CRISPLD2: variants seen among roughly 807,000 people sequenced by gnomAD.
CRISPLD2 encodes the protein cysteine rich secretory protein LCCL domain containing 2, also known as cysteine-rich secretory protein LCCL domain-containing 2.
In CRISPLD2, 47 loss-of-function variants were observed where a neutral mutation model predicts 71.1. The ratio of observed to expected loss-of-function variants is 0.66; its 90% CI spans 0.52 to 0.84. The LOEUF (loss-of-function observed/expected upper bound fraction) is 0.84. Ranked by LOEUF, CRISPLD2 falls within the 40% of genes least tolerant of loss-of-function variation. CRISPLD2 has a pLI of 0.00. For synonymous variants in CRISPLD2, 317 were observed against 250.1 expected (o/e 1.27, Z -2.52); for missense variants, 830 against 651.1 (o/e 1.27, Z -2.99).
intron 8 of CRISPLD2, among the ~76,000 whole-genome samples, chr16:84,869,457 AG>A (rs1443824817): frequency 1.3e-5 from 2 of 152,352 alleles, no homozygotes; most frequent in East Asian, 3.9e-4. Flanking sequence ...TAAAAAGGGA[AG>A]GTTGAATCTT....
chr16:84,898,706 G>C (rs1377710375), intron 14 of CRISPLD2, among the ~76,000 whole-genome samples: 2 of 152,232 alleles, frequency 1.3e-5, no homozygotes, highest in Non-Finnish European at 2.9e-5. Flanking sequence ...CACTGGTCTT[G>C]TTAACCCCAC....
chr16:84,894,495 G>C (rs542578713), intron 14 of CRISPLD2, among the ~76,000 whole-genome samples: 9 of 152,256 alleles, frequency 5.9e-5, no homozygotes, highest in African/African-American at 1.7e-4. Context: ...CAGCCCCTGC[G>C]CTAGGGACTG....
chr16:84,880,894 AGG>A (rs2071562826), intron 13 of CRISPLD2, among the ~76,000 whole-genome samples: 2 of 151,936 alleles, frequency 1.3e-5, no homozygotes, highest in African/African-American at 4.8e-5. Context: ...CAGTAGAGAC[AGG>A]GTTTCACCAT....
At chr16:84,885,641 C>T (rs930538018) in intron 13 of CRISPLD2, among the ~76,000 whole-genome samples, 7 of 152,180 alleles carry the variant, frequency 4.6e-5, no homozygotes, top group Non-Finnish European at 1.0e-4. Flanking sequence ...CATGTTAGCA[C>T]AGAGTTTTTA....
intron 2 of CRISPLD2, among the ~76,000 whole-genome samples, chr16:84,843,224 G>A (rs1174802684): frequency 6.6e-6 from 1 of 152,194 alleles, no homozygotes; most frequent in Non-Finnish European, 1.5e-5. Flanking sequence ...AGGCTGAAAG[G>A]ATGGGGTGGC....
chr16:84,890,732 C>A (rs544255025), intron 14 of CRISPLD2, among the ~76,000 whole-genome samples: 3 of 151,704 alleles, frequency 2.0e-5, no homozygotes, highest in Admixed American at 2.0e-4. Context: ...GAGGTAGAGG[C>A]TGTAGTGAGC....
rs1277063442 is a variant in CRISPLD2, at chr16:84,854,940, C to A, written c.709+111C>A. 94 of 798,272 alleles carry A rather than the reference C, an allele frequency of 1.2e-4. 1 individual carries two copies. The East Asian group carries it at 1.8e-3, about 15-fold the overall frequency. 49.4% of individuals were successfully genotyped at this position (798,272 alleles called of 1,614,324 possible). A position where few individuals can be genotyped will look rare whatever the true frequency, so the allele number is the denominator to read the frequency against. On this transcript the variant is annotated intron_variant, in intron 6 of 14. Transcript: ENST00000262424. The stretch of plus-strand genomic sequence containing the variant: ...AAGAAGTCAGTCACCCCTCCTGGCC[C>A]TATTTAAGACGCTCTCAGCACATTC...
At chr16:84,889,471 T>G (rs959487623) in intron 14 of CRISPLD2, 108 bp downstream of exon 14, 1 of 1,221,484 alleles carries the variant, frequency 8.2e-7, no homozygotes, top group Admixed American at 2.9e-5. Flanking sequence ...AAAACTCGGG[T>G]AGACTTGCAC....
intron 14 of CRISPLD2, among the ~76,000 whole-genome samples, chr16:84,893,039 G>T (rs1219061566): frequency 1.3e-5 from 2 of 151,080 alleles, no homozygotes; most frequent in Non-Finnish European, 2.9e-5. Context: ...CCTGTGCTGG[G>T]ACCCAGGGCA....
intron 8 of CRISPLD2, among the ~76,000 whole-genome samples, chr16:84,869,818 TGAATGCTAAGCACATTGC>T (rs1444217883): frequency 6.6e-6 from 1 of 152,272 alleles, no homozygotes; most frequent in East Asian, 1.9e-4. Context: ...CGCATCTTTC[TGAATGCTAAGCACATTGC>T]GATAGCATCA....
intron 8 of CRISPLD2, among the ~76,000 whole-genome samples, chr16:84,870,793 T>C (rs1451719111): frequency 1.3e-5 from 2 of 151,856 alleles, no homozygotes; most frequent in Admixed American, 6.6e-5. Flanking sequence ...GTACGGTGGC[T>C]CAAGCCTGTA....
intron 6 of CRISPLD2, among the ~76,000 whole-genome samples, chr16:84,861,782 C>T (rs1250718079): frequency 1.3e-5 from 2 of 152,064 alleles, no homozygotes; most frequent in Non-Finnish European, 2.9e-5. Context: ...AGAAAATTAA[C>T]CAGGTGTGGT....
chr16:84,865,156 A>ATT lies in CRISPLD2; in HGVS notation c.710-1725_710-1724dup, dbSNP rs576554191. ...TTGAGGAACACCTGATGAAACTTGG[A>ATT]TTTTTTTTTTTTTTTTTGAGACAGA... is the stretch of plus-strand genomic sequence containing the variant. On this transcript the variant is annotated intron_variant, in intron 6 of 14. Transcript: ENST00000262424. Among the ~76,000 whole-genome samples, 30 of 140,252 alleles carry ATT rather than the reference A, an allele frequency of 2.1e-4. 1 individual carries two copies. Among genetic ancestry groups the ATT allele is most frequent in the South Asian group, 4.6e-4 (2 of 4,376 alleles). The allele number at this position is 140,252 out of a possible 152,430, so 92.0% of individuals were successfully genotyped here.
At chr16:84,889,458 A>G (rs1424409184) in intron 14 of CRISPLD2, 95 bp downstream of exon 14, 3 of 1,335,834 alleles carry the variant, frequency 2.2e-6, no homozygotes, top group Non-Finnish European at 2.0e-6. Context: ...TACCCTTTAA[A>G]ATAAAACTCG....
intron 1 of CRISPLD2, chr16:84,828,394 G>C (rs901327403): frequency 6.6e-6 from 1 of 152,214 alleles, no homozygotes; most frequent in Non-Finnish European, 1.5e-5. Flanking sequence ...TCATGCATGA[G>C]TGAGGAATTA....
chr16:84,852,440 C>T (rs747671173), intron 5 of CRISPLD2, among the ~76,000 whole-genome samples: 1 of 152,236 alleles, frequency 6.6e-6, no homozygotes, highest in Non-Finnish European at 1.5e-5. Flanking sequence ...GGGGGCCACA[C>T]AGCACACTCC....
intron 13 of CRISPLD2, 66 bp from the exon 14 acceptor site, chr16:84,889,164 C>G (rs1392503222): frequency 1.9e-6 from 3 of 1,607,356 alleles, no homozygotes; most frequent in Non-Finnish European, 1.7e-6. Flanking sequence ...AATGATGGAG[C>G]CCCAGCTGGC....
intron 6 of CRISPLD2, among the ~76,000 whole-genome samples, chr16:84,859,423 G>A (rs192900801): frequency 6.6e-6 from 1 of 152,146 alleles, no homozygotes; most frequent in Non-Finnish European, 1.5e-5. Flanking sequence ...CCTTTCCCCA[G>A]TGCACGGTTT....
chr16:84,866,161 G>T (rs576511772), intron 6 of CRISPLD2, among the ~76,000 whole-genome samples: 1 of 152,126 alleles, frequency 6.6e-6, no homozygotes, highest in Non-Finnish European at 1.5e-5. Flanking sequence ...CCCTTCCCCA[G>T]TGAAAACCCA....
Sources: gnomAD v4.1 joint callset for allele counts (sites outside exome capture counted in the v4.1 genomes callset) on GRCh38, gnomAD v4.1.1 for gene constraint, MANE v1.5 for transcripts, NCBI Gene and HGNC (gene_info 2026-07-23, HGNC 2026-07-21) for gene names.